Variants in SLC12A8 observed in about 807,000 individuals in gnomAD.
SLC12A8 encodes cation-chloride cotransporter 9.
Under a neutral mutation model 75.6 loss-of-function variants are expected in SLC12A8, and 69 were observed. The observed-to-expected ratio is 0.91, with a 90% CI of 0.75 to 1.11. SLC12A8 has a LOEUF of 1.11. SLC12A8 is among the 50% of genes most tolerant of loss of function. SLC12A8 has a pLI of 0.00. For missense variants in SLC12A8, 877 were observed against 896.7 expected (o/e 0.98, Z 0.28); for synonymous variants, 365 against 372.8 (o/e 0.98, Z 0.24).
At chr3:125,114,608 T>A (rs1426163742) in intron 8 of SLC12A8, among the ~76,000 whole-genome samples, 1 of 152,078 alleles carries the variant, frequency 6.6e-6, no homozygotes, top group Non-Finnish European at 1.5e-5. Flanking sequence ...TATTTTTTGG[T>A]GGAGATGGGG....
intron 10 of SLC12A8, among the ~76,000 whole-genome samples, chr3:125,095,012 G>A (rs1021025823): frequency 3.8e-4 from 58 of 151,914 alleles, no homozygotes; most frequent in Non-Finnish European, 4.4e-5. Flanking sequence ...TTGCTGGCTC[G>A]CCTCCTCCTT....
intron 5 of SLC12A8, among the ~76,000 whole-genome samples, chr3:125,140,258 A>G (rs1933596569): frequency 6.6e-6 from 1 of 152,240 alleles, no homozygotes; most frequent in Non-Finnish European, 1.5e-5. Flanking sequence ...CTGAACAACA[A>G]GACCTTACAA....
chr3:125,177,784 G>A lies in SLC12A8; in HGVS notation c.581C>T (p.Thr194Ile). 1 of 1,614,224 alleles carries A rather than the reference G, an allele frequency of 6.2e-7. No homozygotes were observed. Among genetic ancestry groups the A allele is most frequent in the Non-Finnish European group, 8.5e-7 (1 of 1,180,040 alleles). Reference sequence around the variant, plus strand: ...GAAAGAACCCACCACAAAGTCCAGTGTGGACACGGCCAGCAGGAACAGCAA... The same window carrying A: ...GAAAGAACCCACCACAAAGTCCAGTATGGACACGGCCAGCAGGAACAGCAA... ...LLLLFLLAVSTLDFVVGSFTH... is the reference protein window; with the variant it reads ...LLLLFLLAVSILDFVVGSFTH... The change falls in exon 5 of 14, where the codon ACA (threonine) becomes ATA (isoleucine). Residue 194 changes from threonine to isoleucine, a missense_variant. Thr to Ile is a moderately conservative substitution (Grantham distance 89). Transcript: ENST00000469902.
At chr3:125,153,624 T>TTATG (rs1246140031) in intron 5 of SLC12A8, among the ~76,000 whole-genome samples, 67 of 101,872 alleles carry the variant, frequency 6.6e-4, no homozygotes, top group African/African-American at 1.4e-3. Context: ...ATAATGAAAT[T>TTATG]TATGTATTTA....
In SLC12A8 at chr3:125,212,342, G is replaced by A. The variant is rs555454012; in HGVS notation, c.-46+358C>T. Among the ~76,000 whole-genome samples the A allele has an allele frequency of 5.5e-4, 84 of 152,240 alleles. 1 individual carries two copies. The highest frequency in any genetic ancestry group is 3.4e-3 in the Middle Eastern group (1 of 294). ...CCGGGTGTCCCCGGCTGCCCGCGCC[G>A]CACAGAGCAAGGGACCCCAGGCCTC... On this transcript the variant is annotated intron_variant, in intron 1 of 13. Coordinates refer to ENST00000469902, the MANE Select transcript of SLC12A8 (RefSeq NM_024628.6).
rs563308602 is a variant in SLC12A8, at chr3:125,101,811, A to C, written c.1705+5670T>G. Among the ~76,000 whole-genome samples the C allele has an allele frequency of 8.3e-4, 127 of 152,332 alleles. 1 individual carries two copies. The highest frequency in any genetic ancestry group is 2.9e-3 in the African/African-American group (122 of 41,590). On this transcript the variant is annotated intron_variant, in intron 10 of 13. Coordinates refer to ENST00000469902, the MANE Select transcript of SLC12A8 (RefSeq NM_024628.6). ...AACGATTAGGTTCTTATAATAGTTTAACTCTTTCTATTTGATCAATGCTTC... is the reference window on the plus strand; with the variant it reads ...AACGATTAGGTTCTTATAATAGTTTCACTCTTTCTATTTGATCAATGCTTC...
chr3:125,188,083 C>G (rs997040242), intron 3 of SLC12A8, among the ~76,000 whole-genome samples: 1 of 152,142 alleles, frequency 6.6e-6, no homozygotes, highest in Non-Finnish European at 1.5e-5. Flanking sequence ...GAGGTGGGGC[C>G]TGGTGGGAGG....
At chr3:125,194,190 C>T (rs959318599) in intron 2 of SLC12A8, among the ~76,000 whole-genome samples, 1 of 152,226 alleles carries the variant, frequency 6.6e-6, no homozygotes, top group Admixed American at 6.5e-5. Context: ...CTGGCAGGGG[C>T]CAGCTTGACA....
chr3:125,135,190 A>G (rs953678188), intron 6 of SLC12A8, among the ~76,000 whole-genome samples: 1 of 152,148 alleles, frequency 6.6e-6, no homozygotes, highest in African/African-American at 2.4e-5. Context: ...AAAACAAAAG[A>G]CAATAGTGTT....
Position 125,116,996 on chromosome 3 carries a change from C to T in SLC12A8, c.912+1773G>A, listed in dbSNP as rs567822417. ...TTCCTGCCCTGAGAGCAAACCTTGC[C>T]ACCTGGGGGTCTGTGACCTTGGGTA... On this transcript the variant is annotated intron_variant, in intron 8 of 13. Coordinates refer to ENST00000469902, the MANE Select transcript of SLC12A8 (RefSeq NM_024628.6). Among the ~76,000 whole-genome samples, 12 of 152,276 alleles carry T rather than the reference C, an allele frequency of 7.9e-5. No homozygotes were observed. In the South Asian group the frequency reaches 1.9e-3, roughly 24 times the overall value.
At chr3:125,084,847 C>T (rs1279755351) in intron 13 of SLC12A8, among the ~76,000 whole-genome samples, 26 of 152,188 alleles carry the variant, frequency 1.7e-4, no homozygotes, top group Admixed American at 1.7e-3. Context: ...TTCCTATAGT[C>T]TGTGTTAGGT....
intron 5 of SLC12A8, among the ~76,000 whole-genome samples, chr3:125,177,008 A>G (rs1315455800): frequency 2.0e-5 from 3 of 151,922 alleles, no homozygotes; most frequent in Admixed American, 2.0e-4. Flanking sequence ...TCATGCTGCT[A>G]TAAAGACACA....
At chr3:125,201,812 G>C (rs1560085318) in intron 2 of SLC12A8, among the ~76,000 whole-genome samples, 3 of 151,138 alleles carry the variant, frequency 2.0e-5, no homozygotes, top group African/African-American at 7.3e-5. Context: ...AATTCAGAAA[G>C]AAAAAATTTA....
intron 12 of SLC12A8, among the ~76,000 whole-genome samples, chr3:125,089,681 T>A (rs1361309532): frequency 1.2e-5 from 1 of 84,062 alleles, no homozygotes; most frequent in Non-Finnish European, 2.3e-5. Flanking sequence ...CTGAAGAACC[T>A]TTTTCTCTTT....
rs549896884 is a variant in SLC12A8 at position 125,199,058 on chromosome 3, G to C, written c.52-8537C>G. On this transcript the variant is annotated intron_variant, in intron 2 of 13. Coordinates refer to ENST00000469902, the MANE Select transcript of SLC12A8 (RefSeq NM_024628.6). The stretch of plus-strand genomic sequence containing the variant: ...CTCCCAAAGTGCTGGGATTATAGGC[G>C]TGAGCCACCATGCCCGGCTGACAAT... 6.0e-4 allele frequency among the ~76,000 whole-genome samples: 92 copies of C among 152,222 alleles called. 1 individual carries two copies. The highest frequency in any genetic ancestry group is 2.1e-3 in the African/African-American group (89 of 41,536).
At chr3:125,208,785 C>CAGAG (rs1560087653) in intron 2 of SLC12A8, among the ~76,000 whole-genome samples, 1 of 98,500 alleles carries the variant, frequency 1.0e-5, no homozygotes, top group African/African-American at 3.9e-5. Context: ...CACACACACA[C>CAGAG]ACACACAGAG....
intron 2 of SLC12A8, 137 bp from the exon 3 acceptor site, chr3:125,190,658 T>C (rs986818589): frequency 1.0e-6 from 1 of 958,768 alleles, no homozygotes; most frequent in Middle Eastern, 3.2e-4. Context: ...GGCAAGTGTG[T>C]GTGTATACAC....
intron 5 of SLC12A8, among the ~76,000 whole-genome samples, chr3:125,152,873 G>A (rs1044436216): frequency 6.6e-6 from 1 of 152,096 alleles, no homozygotes; most frequent in Admixed American, 6.5e-5. Context: ...AGGGACCATC[G>A]CTATCCTATT....
chr3:125,091,530 A>C lies in SLC12A8; in HGVS notation c.1830T>G (p.Phe610Leu). The change falls in exon 12 of 14, where the codon TTT becomes TTG. Residue 610 changes from phenylalanine to leucine, a missense_variant. Coordinates refer to ENST00000469902, the MANE Select transcript of SLC12A8 (RefSeq NM_024628.6). ...LGAVGSLLIM[F>L]VIQWVYTLVN... ...CCAGGGTATACACCCACTGTATCAC[A>C]AACATGATGAGAAGGGACCCAACAG... 6.2e-7 allele frequency: 1 copy of C among 1,613,902 alleles called. No homozygotes were observed. The highest frequency in any genetic ancestry group is 1.1e-5 in the South Asian group (1 of 91,070).
Sources: gnomAD v4.1 joint callset for allele counts (sites outside exome capture counted in the v4.1 genomes callset) on GRCh38, gnomAD v4.1.1 for gene constraint, MANE v1.5 for transcripts, NCBI Gene and HGNC (gene_info 2026-07-23, HGNC 2026-07-21) for gene names.